Variants in MAFK observed in about 807,000 individuals in gnomAD.
MAFK encodes transcription factor MafK.
A neutral mutation model predicts 9.2 loss-of-function variants in MAFK; 1 was observed. That is an observed-to-expected ratio of 0.11 (90% CI 0.04 to 0.52). The LOEUF is 0.52. Ranked by LOEUF, MAFK falls within the 20% of genes least tolerant of loss-of-function variation. MAFK has a pLI of 0.94. For missense variants in MAFK, 207 were observed against 236.0 expected (o/e 0.88, Z 0.81); for synonymous variants, 110 against 107.4 (o/e 1.02, Z -0.15).
chr7:1,538,270 G>T (rs1005642985), intron 1 of MAFK: 1 of 985,422 alleles, frequency 1.0e-6, no homozygotes, highest in Non-Finnish European at 1.2e-6. Context: ...GGCGGCGGCG[G>T]GGACGACTCC....
chr7:1,539,233 G>A lies in MAFK; in HGVS notation c.36+5G>A. The A allele has an allele frequency of 1.2e-6, 2 of 1,610,076 alleles. No individual in the cohort carries two copies. Among genetic ancestry groups the A allele is most frequent in the Non-Finnish European group, 1.7e-6 (2 of 1,178,312 alleles). Reference sequence around the variant, plus strand: ...AAACCGAATAAGGCATTAAAGGTAAGGCTGGTTCCAAGCAGGCCCCGTCTC... The same window carrying A: ...AAACCGAATAAGGCATTAAAGGTAAAGCTGGTTCCAAGCAGGCCCCGTCTC... On this transcript the variant is annotated splice_donor_5th_base_variant and intron_variant, in intron 2 of 2. Transcript: ENST00000343242.
intron 1 of MAFK, among the ~76,000 whole-genome samples, chr7:1,531,718 T>TG (rs1212562264): frequency 1.4e-5 from 2 of 146,690 alleles, no homozygotes; most frequent in Admixed American, 6.8e-5. Flanking sequence ...CTCTAGATCC[T>TG]GGGGGGTGGG....
Position 1,537,909 on chromosome 7 carries a change from G to A in MAFK, c.-44-1240G>A, listed in dbSNP as rs1036273040. 6.3e-5 allele frequency: 10 copies of A among 159,426 alleles called. 1 individual carries two copies. The highest frequency in any genetic ancestry group is 4.0e-4 in the South Asian group (2 of 4,954). 9.9% of individuals were successfully genotyped at this position (159,426 alleles called of 1,614,324 possible). On this transcript the variant is annotated intron_variant, in intron 1 of 2. Transcript: ENST00000343242. ...GTGCTGACCAAGGACACCCCCCACC[G>A]CCGTGTGCTGCTCTGATGTTCCTGT...
At position 1,540,832 on chromosome 7, in the gene MAFK, C is replaced by T. The variant is rs369405233; in HGVS notation, c.*457C>T. 6.1e-4 allele frequency: 105 copies of T among 172,892 alleles called. 3 individuals carry two copies. The South Asian group carries it at 0.015, about 25-fold the overall frequency. 10.7% of individuals were successfully genotyped at this position (172,892 alleles called of 1,614,324 possible). On this transcript the variant is annotated 3_prime_UTR_variant, in exon 3 of 3. Transcript: ENST00000343242. ...TCCTGCCACGGCCTCCCAGCCGGTG[C>T]GGGAGCCCCTCACTGCCCTGACCGA...
chr7:1,537,057 C>T (rs946081960), intron 1 of MAFK, among the ~76,000 whole-genome samples: 1 of 152,240 alleles, frequency 6.6e-6, no homozygotes, highest in African/African-American at 2.4e-5. Flanking sequence ...CCTTGACCTC[C>T]TGGAAGTAGT....
At position 1,530,992 on chromosome 7, in the gene MAFK, C is replaced by T. The variant is rs966644748; in HGVS notation, c.-45+94C>T. 204 of 146,254 alleles carry T rather than the reference C, an allele frequency of 1.4e-3. 1 individual carries two copies. Among genetic ancestry groups the T allele is most frequent in the African/African-American group, 4.7e-3 (190 of 40,608 alleles). The allele number at this position is 146,254 out of a possible 1,614,324, so 9.1% of individuals were successfully genotyped here. ...TACCTGGCCGCTGAGTCACGGCCGCCTGGGGGCGCGGGCCGAGGGTGGCGG... is the reference window on the plus strand; with the variant it reads ...TACCTGGCCGCTGAGTCACGGCCGCTTGGGGGCGCGGGCCGAGGGTGGCGG... On this transcript the variant is annotated intron_variant, in intron 1 of 2. Coordinates refer to ENST00000343242, the MANE Select transcript of MAFK (RefSeq NM_002360.4).
Position 1,537,738 on chromosome 7 carries a change from G to C in MAFK, c.-44-1411G>C, listed in dbSNP as rs530615743. The C allele has an allele frequency of 7.1e-6, 7 of 982,798 alleles. No individual in the cohort carries two copies. The East Asian group carries it at 8.0e-4, about 112-fold the overall frequency. 60.9% of individuals were successfully genotyped at this position (982,798 alleles called of 1,614,324 possible). ...TGTTGTGGGGGTTTGTGGGTTGCGG[G>C]GGTGGGGCCCCCATCGGAGGCAGGG... On this transcript the variant is annotated intron_variant, in intron 1 of 2. Coordinates refer to ENST00000343242, the MANE Select transcript of MAFK (RefSeq NM_002360.4).
chr7:1,540,593 C>G lies in MAFK; in HGVS notation c.*218C>G, dbSNP rs979715375. 9.1e-6 allele frequency: 5 copies of G among 546,728 alleles called. No homozygotes were observed. Among genetic ancestry groups the G allele is most frequent in the Non-Finnish European group, 1.6e-5 (5 of 312,508 alleles). The allele number at this position is 546,728 out of a possible 1,614,324, so 33.9% of individuals were successfully genotyped here. On this transcript the variant is annotated 3_prime_UTR_variant, in exon 3 of 3. Coordinates refer to ENST00000343242, the MANE Select transcript of MAFK (RefSeq NM_002360.4). ...GCACGCCGGTCCACAGACACACTCA[C>G]GCCCGCCACCTGCTCCCCGCAGGAT...
chr7:1,535,344 T>C (rs1403819595), intron 1 of MAFK, among the ~76,000 whole-genome samples: 1 of 151,990 alleles, frequency 6.6e-6, no homozygotes, highest in Non-Finnish European at 1.5e-5. Context: ...GACCAGTGAG[T>C]ATTTGCTGGG....
In MAFK at chr7:1,540,187, C is replaced by T. The variant is rs752326077; in HGVS notation, c.283C>T (p.Arg95Cys). ...ELQQEVEKLA[R>C]ENSSMRLELD... The stretch of plus-strand genomic sequence containing the variant: ...GCAGCAGGAGGTGGAGAAGCTGGCG[C>T]GTGAGAACAGCAGCATGCGGCTGGA... The change falls in exon 3 of 3, where the codon CGT becomes TGT. Residue 95 changes from arginine to cysteine, a missense_variant. Arg to Cys is a radical substitution (Grantham distance 180, BLOSUM62 -3). Coordinates refer to ENST00000343242, the MANE Select transcript of MAFK (RefSeq NM_002360.4). The T allele has an allele frequency of 1.6e-5, 25 of 1,581,338 alleles. No homozygotes were observed. Among genetic ancestry groups the T allele is most frequent in the South Asian group, 3.5e-5 (3 of 86,942 alleles).
chr7:1,537,683 C>T (rs1784065066), intron 1 of MAFK: 1 of 985,452 alleles, frequency 1.0e-6, no homozygotes, highest in Non-Finnish European at 1.2e-6. Flanking sequence ...CAGCCTGGCG[C>T]AGGACCCTGT....
Position 1,540,489 on chromosome 7 carries a change from GC to G in MAFK, c.*118del. On this transcript the variant is annotated 3_prime_UTR_variant, in exon 3 of 3. Transcript: ENST00000343242. Reference sequence around the variant, plus strand: ...TCTCGACATCCGAGTCCAAGCGCAGGCCCCTCGGGCGCAGGCAGCTCACACC... The same window carrying G: ...TCTCGACATCCGAGTCCAAGCGCAGGCCCTCGGGCGCAGGCAGCTCACACC... 1 of 1,080,762 alleles carries G rather than the reference GC, an allele frequency of 9.3e-7. No individual in the cohort carries two copies. The highest frequency in any genetic ancestry group is 1.3e-6 in the Non-Finnish European group (1 of 772,418). 66.9% of individuals were successfully genotyped at this position (1,080,762 alleles called of 1,614,324 possible).
Position 1,540,792 on chromosome 7 carries a change from A to G in MAFK, c.*417A>G, listed in dbSNP as rs1784163964. 1 of 171,894 alleles carries G rather than the reference A, an allele frequency of 5.8e-6. No individual in the cohort carries two copies. The highest frequency in any genetic ancestry group is 6.3e-5 in the Admixed American group (1 of 15,992). 10.6% of individuals were successfully genotyped at this position (171,894 alleles called of 1,614,324 possible). Reference sequence around the variant, plus strand: ...CTTGTTTTCCACTCCTGCTGTAAGCAGCCTTCGACACCTGTCCTGCCACGG... The same window carrying G: ...CTTGTTTTCCACTCCTGCTGTAAGCGGCCTTCGACACCTGTCCTGCCACGG... On this transcript the variant is annotated 3_prime_UTR_variant, in exon 3 of 3. Transcript: ENST00000343242.
Position 1,534,736 on chromosome 7 carries a change from G to A in MAFK, c.-45+3838G>A. The A allele has an allele frequency of 2.3e-6, 1 of 434,178 alleles. No individual in the cohort carries two copies. 26.9% of individuals were successfully genotyped at this position (434,178 alleles called of 1,614,324 possible). On this transcript the variant is annotated intron_variant, in intron 1 of 2. Coordinates refer to ENST00000343242, the MANE Select transcript of MAFK (RefSeq NM_002360.4). This position sits in a 1 kb window ranked among gnomAD's most constrained non-coding sequence, Gnocchi z 4.3. ...GGCAAGAACAAGTGACCCATCCAGA[G>A]CCCCCATGCTGGCCTCGTAGAGCGA...
rs572818705 is a variant in MAFK at position 1,532,935 on chromosome 7, C to G, written c.-45+2037C>G. ...AACAGTAAACAGTGACTCACCGCTCCGTCCCCACCCTCCCTGCTCTCCGCG... is the reference window on the plus strand; with the variant it reads ...AACAGTAAACAGTGACTCACCGCTCGGTCCCCACCCTCCCTGCTCTCCGCG... On this transcript the variant is annotated intron_variant, in intron 1 of 2. Transcript: ENST00000343242. The surrounding 1 kb of genome is among the most constrained non-coding windows in gnomAD (Gnocchi z 4.5). Among the ~76,000 whole-genome samples the G allele has an allele frequency of 6.6e-6, 1 of 152,332 alleles. No individual in the cohort carries two copies. Among genetic ancestry groups the G allele is most frequent in the South Asian group, 2.1e-4 (1 of 4,832 alleles).
At chr7:1,533,059 C>T (rs1395619427) in intron 1 of MAFK, among the ~76,000 whole-genome samples, 2 of 152,206 alleles carry the variant, frequency 1.3e-5, no homozygotes, top group Admixed American at 6.5e-5. Context: ...CTGGGAGTGT[C>T]GTCTTAAAAT....
intron 1 of MAFK, chr7:1,538,783 C>T (rs918803575): frequency 1.2e-4 from 28 of 231,096 alleles, no homozygotes; most frequent in East Asian, 1.7e-4. Context: ...CAGCCACTGC[C>T]GGCGCCTGCT....
intron 1 of MAFK, chr7:1,537,340 C>T (rs951937506): frequency 3.1e-5 from 30 of 978,302 alleles, no homozygotes; most frequent in African/African-American, 1.1e-4. Flanking sequence ...GGAATGCGCG[C>T]GGCTCTGTAA....
chr7:1,534,221 C>T lies in MAFK; in HGVS notation c.-45+3323C>T, dbSNP rs981004012. Reference sequence around the variant, plus strand: ...GGGACAGCCGGACAGTGGGGGCCCTCGCAGTGTAGGACCTCATCCTCAGTA... The same window carrying T: ...GGGACAGCCGGACAGTGGGGGCCCTTGCAGTGTAGGACCTCATCCTCAGTA... On this transcript the variant is annotated intron_variant, in intron 1 of 2. Coordinates refer to ENST00000343242, the MANE Select transcript of MAFK (RefSeq NM_002360.4). The surrounding 1 kb of genome is among the most constrained non-coding windows in gnomAD (Gnocchi z 4.3). 5 of 455,046 alleles carry T rather than the reference C, an allele frequency of 1.1e-5. No individual in the cohort carries two copies. Among genetic ancestry groups the T allele is most frequent in the Admixed American group, 7.1e-5 (3 of 42,504 alleles). The allele number at this position is 455,046 out of a possible 1,614,324, so 28.2% of individuals were successfully genotyped here. A position where few individuals can be genotyped will look rare whatever the true frequency, so the allele number is the denominator to read the frequency against.
Sources: allele counts gnomAD v4.1 joint callset (sites outside exome capture counted in the v4.1 genomes callset), GRCh38; gene constraint gnomAD v4.1.1; non-coding constraint Gnocchi (gnomAD v3.1); transcripts MANE v1.5; gene names NCBI Gene and HGNC (gene_info 2026-07-23, HGNC 2026-07-21).